Variants in USP31 observed in about 807,000 individuals in gnomAD.
USP31 encodes the protein ubiquitin carboxyl-terminal hydrolase 31.
A neutral mutation model predicts 119.4 loss-of-function variants in USP31; 44 were observed. The ratio of observed to expected loss-of-function variants is 0.37; its 90% CI spans 0.29 to 0.47. The LOEUF (loss-of-function observed/expected upper bound fraction) is 0.47, where lower values mean the gene tolerates loss of function less well. Ranked by LOEUF, USP31 falls within the 20% of genes least tolerant of loss-of-function variation. USP31 has a pLI of 0.99. For missense variants in USP31, 1,643 were observed against 1,730.2 expected (o/e 0.95, Z 0.89); for synonymous variants, 749 against 705.6 (o/e 1.06, Z -0.97).
chr16:23,106,358 C>T lies in USP31; in HGVS notation c.860+41G>A, dbSNP rs182942429. The T allele has an allele frequency of 8.7e-6, 14 of 1,613,450 alleles. No homozygotes were observed. In the Admixed American group the frequency reaches 1.5e-4, roughly 17 times the overall value. On this transcript the variant is annotated intron_variant, in intron 3 of 15. Transcript: ENST00000219689. ...ACATTAAAATCACCCAGAACGATGTCAGGTAAACAAAATAAGTGGAAACAT... is the reference window on the plus strand; with the variant it reads ...ACATTAAAATCACCCAGAACGATGTTAGGTAAACAAAATAAGTGGAAACAT...
intron 1 of USP31, among the ~76,000 whole-genome samples, chr16:23,144,915 T>C (rs2141906882): frequency 1.3e-5 from 2 of 152,356 alleles, no homozygotes; most frequent in East Asian, 1.9e-4. Context: ...AATCTAATTA[T>C]ATCACTTCCT....
Position 23,149,373 on chromosome 16 carries a change from GGCTC to G in USP31, c.-107_-104del. 3 of 988,286 alleles carry G rather than the reference GGCTC, an allele frequency of 3.0e-6. No individual in the cohort carries two copies. Among genetic ancestry groups the G allele is most frequent in the Non-Finnish European group, 3.6e-6 (3 of 832,990 alleles). 61.2% of individuals were successfully genotyped at this position (988,286 alleles called of 1,614,324 possible). On this transcript the variant is annotated 5_prime_UTR_variant, in exon 1 of 16. Transcript: ENST00000219689. ...AGCGCCGCGCCTCACCGGGCCCGGG[GGCTC>G]GACGCCCCACACACCTCAAAGCGCA...
chr16:23,080,572 C>T (rs762683826), intron 12 of USP31, among the ~76,000 whole-genome samples: 4 of 152,156 alleles, frequency 2.6e-5, no homozygotes, highest in Non-Finnish European at 5.9e-5. Context: ...TGCAGAAGAG[C>T]CTCTTGATAA....
chr16:23,140,818 A>G (rs1454405887), intron 1 of USP31, among the ~76,000 whole-genome samples: 1 of 152,202 alleles, frequency 6.6e-6, no homozygotes, highest in Non-Finnish European at 1.5e-5. Context: ...TTGCTCAGGA[A>G]AACAGGTGGG....
chr16:23,146,463 G>A (rs923062035), intron 1 of USP31, among the ~76,000 whole-genome samples: 1 of 152,032 alleles, frequency 6.6e-6, no homozygotes, highest in Non-Finnish European at 1.5e-5. Flanking sequence ...AGGAGGCAGA[G>A]GTTGCAGTGG....
chr16:23,068,725 G>C lies in USP31; in HGVS notation c.3380C>G (p.Ser1127Cys), dbSNP rs751248229. ...GCCCGAGGCCTTTTTGGCAGATGTG[G>C]AGGAAGCAGTGTAGGTGAGGGCCGA... ...SASALTYTASSTSAKKASGPA... is the reference protein window; with the variant it reads ...SASALTYTASCTSAKKASGPA... Residue 1127 changes from serine to cysteine, a missense_variant, in exon 16 of 16, where the codon TCC becomes TGC. Ser to Cys is a moderately radical substitution (Grantham distance 112). Transcript: ENST00000219689. 1.9e-6 allele frequency: 3 copies of C among 1,612,000 alleles called. No individual in the cohort carries two copies. Among genetic ancestry groups the C allele is most frequent in the Non-Finnish European group, 1.7e-6 (2 of 1,179,096 alleles).
intron 6 of USP31, among the ~76,000 whole-genome samples, chr16:23,101,549 G>C (rs1444504061): frequency 6.6e-6 from 1 of 152,128 alleles, no homozygotes; most frequent in African/African-American, 2.4e-5. Flanking sequence ...CTTGCATCAC[G>C]ATCACCTACC....
At chr16:23,125,302 CAT>C in intron 1 of USP31, among the ~76,000 whole-genome samples, 1 of 152,290 alleles carries the variant, frequency 6.6e-6, no homozygotes, top group East Asian at 1.9e-4. Context: ...ATTCAAAACT[CAT>C]AGGCTCACAG....
At chr16:23,072,531 T>A (rs1900389993) in intron 14 of USP31, 5 of 570,204 alleles carry the variant, frequency 8.8e-6, no homozygotes, top group Non-Finnish European at 1.5e-5. Context: ...CTACAAATAT[T>A]TATGAAGCAT....
chr16:23,138,321 G>A (rs1457367844), intron 1 of USP31, among the ~76,000 whole-genome samples: 1 of 152,070 alleles, frequency 6.6e-6, no homozygotes, highest in African/African-American at 2.4e-5. Flanking sequence ...TAAAATAGAA[G>A]TTATCATCTT....
chr16:23,146,212 T>G, intron 1 of USP31, among the ~76,000 whole-genome samples: 1 of 131,540 alleles, frequency 7.6e-6, no homozygotes, highest in Non-Finnish European at 1.6e-5. Context: ...TTACAGGCAA[T>G]TGTAAGCAAA....
chr16:23,108,558 A>C (rs1321589455), intron 1 of USP31, among the ~76,000 whole-genome samples: 1 of 152,232 alleles, frequency 6.6e-6, no homozygotes, highest in African/African-American at 2.4e-5. Flanking sequence ...AAAAACAGTT[A>C]AATTATGATA....
intron 1 of USP31, among the ~76,000 whole-genome samples, chr16:23,147,190 C>T (rs992815998): frequency 6.6e-6 from 1 of 152,190 alleles, no homozygotes; most frequent in Non-Finnish European, 1.5e-5. Context: ...CTCACTGCAA[C>T]GTCCGCCTCC....
At chr16:23,074,170 G>A (rs1403258302) in intron 13 of USP31, among the ~76,000 whole-genome samples, 1 of 152,136 alleles carries the variant, frequency 6.6e-6, no homozygotes, top group Non-Finnish European at 1.5e-5. Flanking sequence ...CTGTGGCGGG[G>A]GGAGTGGGAT....
intron 1 of USP31, among the ~76,000 whole-genome samples, chr16:23,120,747 A>G (rs1902639566): frequency 6.6e-6 from 1 of 152,218 alleles, no homozygotes; most frequent in Admixed American, 6.5e-5. Flanking sequence ...CCCACAGCAC[A>G]AGAGCCAATC....
At chr16:23,076,348 G>C (rs1018689639) in intron 13 of USP31, among the ~76,000 whole-genome samples, 1 of 150,158 alleles carries the variant, frequency 6.7e-6, no homozygotes, top group Non-Finnish European at 1.5e-5. Context: ...ACAATGCGAA[G>C]AATATTTAAA....
At chr16:23,098,965 G>A (rs1391552990) in intron 6 of USP31, among the ~76,000 whole-genome samples, 1 of 151,736 alleles carries the variant, frequency 6.6e-6, no homozygotes, top group Non-Finnish European at 1.5e-5. Context: ...AGCCAAAACA[G>A]ACAAATGGGA....
intron 12 of USP31, among the ~76,000 whole-genome samples, 162 bp from the exon 13 acceptor site, chr16:23,080,333 A>T (rs1439316043): frequency 6.6e-6 from 1 of 152,142 alleles, no homozygotes; most frequent in East Asian, 1.9e-4. Flanking sequence ...AGTTTTAGCT[A>T]TCTAGAGGAA....
At chr16:23,091,304 C>A (rs1567232479) in intron 6 of USP31, among the ~76,000 whole-genome samples, 1 of 152,188 alleles carries the variant, frequency 6.6e-6, no homozygotes. Context: ...GGAATACAGT[C>A]TACTAGACTG....
Sources: allele counts gnomAD v4.1 joint callset (sites outside exome capture counted in the v4.1 genomes callset), GRCh38; gene constraint gnomAD v4.1.1; transcripts MANE v1.5; gene names NCBI Gene and HGNC (gene_info 2026-07-23, HGNC 2026-07-21).